RDM1: variants seen among roughly 807,000 people sequenced by gnomAD.
RDM1 encodes the protein RAD52 motif-containing protein 1.
In RDM1, 28 loss-of-function variants were observed where a neutral mutation model predicts 27.7. The ratio of observed to expected loss-of-function variants is 1.01; its 90% CI spans 0.75 to 1.39. The LOEUF (loss-of-function observed/expected upper bound fraction) is 1.39. Among genes scored for constraint, RDM1 ranks in the 40% most tolerant of loss-of-function variants. RDM1 has a pLI of 0.00. For missense variants in RDM1, 277 were observed against 337.3 expected, an observed-to-expected ratio of 0.82 and a Z score of 1.40; for synonymous variants, 124 against 127.5, an observed-to-expected ratio of 0.97 and a Z score of 0.19.
rs746296947 is a variant in RDM1, at chr17:35,930,089, T to A, written c.263A>T (p.Lys88Ile). ...KACDRKQLFQ[K>I]SPVKVRLGTR... is the part of the protein sequence containing the mutation. ...ATTTGGACCCACCTTGACTGGAGAT[T>A]TCTGAAAAAGCTGCTTCCGGTCGCA... The change falls in exon 2 of 7, where the codon AAA becomes ATA. Residue 88 changes from lysine to isoleucine, a missense_variant. By Grantham distance (102) the Lys-to-Ile change is moderately radical (BLOSUM62 -3). Coordinates refer to ENST00000620284, the MANE Select transcript of RDM1 (RefSeq NM_145654.4). 1 of 1,613,374 alleles carries A rather than the reference T, an allele frequency of 6.2e-7. No homozygotes were observed. Among genetic ancestry groups the A allele is most frequent in the African/African-American group, 1.3e-5 (1 of 74,858 alleles).
Position 35,922,647 on chromosome 17 carries a change from C to A in RDM1, c.597G>T (p.Lys199Asn). The change falls in exon 5 of 7, where the codon AAG (lysine) becomes AAT (asparagine). Residue 199 changes from lysine (K) to asparagine (N), a missense_variant. By Grantham distance (94) the Lys-to-Asn change is moderately conservative. Transcript: ENST00000620284. ...EGPLSFLMKR[K>N]TAQKLAIQKA... ...TCTGAATAGCAAGCTTCTGGGCTGT[C>A]TTCCTTTTCATAAGGAATGATAATG... 6.2e-7 allele frequency: 1 copy of A among 1,608,254 alleles called. No homozygotes were observed. Among genetic ancestry groups the A allele is most frequent in the South Asian group, 1.1e-5 (1 of 89,714 alleles).
At chr17:35,924,833 T>G (rs1053427319) in intron 3 of RDM1, 61 bp from the exon 4 acceptor site, 15 of 1,556,216 alleles carry the variant, frequency 9.6e-6, no homozygotes, top group Non-Finnish European at 1.1e-5. Flanking sequence ...CAAAATGTTT[T>G]GTTATTAAAA....
intron 2 of RDM1, among the ~76,000 whole-genome samples, chr17:35,925,994 C>T (rs2089133838): frequency 6.6e-6 from 1 of 152,004 alleles, no homozygotes; most frequent in African/African-American, 2.4e-5. Context: ...ATTAGCCAGG[C>T]ATGGTGGCAC....
At chr17:35,928,565 C>T (rs563887759) in intron 2 of RDM1, among the ~76,000 whole-genome samples, 1 of 151,388 alleles carries the variant, frequency 6.6e-6, no homozygotes, top group South Asian at 2.1e-4. Context: ...GAGTTCGAGA[C>T]CAGCCTGACC....
At chr17:35,925,454 A>T (rs1449080036) in intron 3 of RDM1, 61 bp downstream of exon 3, 1 of 1,587,918 alleles carries the variant, frequency 6.3e-7, no homozygotes. Context: ...TCTGTCTAAA[A>T]TCTAGGATTT....
At position 35,926,655 on chromosome 17, in the gene RDM1, C is replaced by T. The variant is rs573437725; in HGVS notation, c.277-1018G>A. 4.7e-3 allele frequency among the ~76,000 whole-genome samples: 723 copies of T among 152,264 alleles called. 4 individuals carry two copies. The highest frequency in any genetic ancestry group is 7.9e-3 in the Non-Finnish European group (539 of 68,022). ...TCCTGACCTTGTGATCTGCCCGCCT[C>T]GGCCTCCCAAAGTGCTGGGATACAG... is the stretch of plus-strand genomic sequence containing the variant. On this transcript the variant is annotated intron_variant, in intron 2 of 6. Coordinates refer to ENST00000620284, the MANE Select transcript of RDM1 (RefSeq NM_145654.4).
chr17:35,925,634 G>A lies in RDM1; in HGVS notation c.280C>T (p.Arg94Cys), dbSNP rs376550025. The stretch of plus-strand genomic sequence containing the variant: ...ACTGCCTTATGTCTGGTGCCAAGAC[G>A]AACCTAAAATCATAGGAGATAGACC... ...QLFQKSPVKV[R>C]LGTRHKAVQH... Residue 94 changes from arginine (R) to cysteine (C), a missense_variant, in exon 3 of 7, where the codon CGT (arginine) becomes TGT (cysteine). Arg to Cys is a radical substitution (Grantham distance 180). Coordinates refer to ENST00000620284, the MANE Select transcript of RDM1 (RefSeq NM_145654.4). The A allele has an allele frequency of 2.1e-5, 34 of 1,611,864 alleles. No individual in the cohort carries two copies. The highest frequency in any genetic ancestry group is 6.7e-5 in the African/African-American group (5 of 75,018).
In RDM1 at chr17:35,930,651, G is replaced by A; in HGVS notation, c.77C>T (p.Pro26Leu). The change falls in exon 1 of 7, where the codon CCC becomes CTC. Residue 26 changes from proline to leucine, a missense_variant. By Grantham distance (98) the Pro-to-Leu change is moderately conservative. Transcript: ENST00000620284. ...TLLVWELSSG[P>L]TAEALHHSLF... The stretch of plus-strand genomic sequence containing the variant: ...GCTCACATGCAAAGCCTCGGCCGTG[G>A]GTCCGGAGCTCAGCTCCCACACTAG... The A allele has an allele frequency of 1.2e-6, 2 of 1,613,468 alleles. No homozygotes were observed. Among genetic ancestry groups the A allele is most frequent in the Non-Finnish European group, 1.7e-6 (2 of 1,179,882 alleles).
At chr17:35,924,575 AC>A (rs755669207) in intron 4 of RDM1, 28 bp downstream of exon 4, 2 of 1,591,778 alleles carry the variant, frequency 1.3e-6, no homozygotes, top group Non-Finnish European at 1.7e-6. Flanking sequence ...CCAAATCCCT[AC>A]CCTCCTCCAC....
At chr17:35,925,152 AC>A (rs1166873712) in intron 3 of RDM1, among the ~76,000 whole-genome samples, 2 of 152,084 alleles carry the variant, frequency 1.3e-5, no homozygotes, top group East Asian at 3.8e-4. Flanking sequence ...ACAAAACAAA[AC>A]AAAAACCCAA....
At chr17:35,920,092 TA>T in intron 6 of RDM1, 94 bp downstream of exon 6, 1 of 653,692 alleles carries the variant, frequency 1.5e-6, no homozygotes, top group Non-Finnish European at 2.7e-6. Flanking sequence ...CACATTTTCC[TA>T]AGAATGAAAC....
intron 2 of RDM1, among the ~76,000 whole-genome samples, chr17:35,929,615 T>C (rs1026998791): frequency 1.3e-5 from 2 of 152,102 alleles, no homozygotes; most frequent in African/African-American, 4.8e-5. Context: ...CTAGTTTTTG[T>C]ATTTATAGTA....
rs961161778 is a variant in RDM1 at position 35,918,237 on chromosome 17, G to T, written c.*105C>A. 8.4e-6 allele frequency: 8 copies of T among 947,478 alleles called. No individual in the cohort carries two copies. Among genetic ancestry groups the T allele is most frequent in the Non-Finnish European group, 1.3e-5 (8 of 604,074 alleles). 58.7% of individuals were successfully genotyped at this position (947,478 alleles called of 1,614,324 possible). On this transcript the variant is annotated 3_prime_UTR_variant, in exon 7 of 7. Transcript: ENST00000620284. The stretch of plus-strand genomic sequence containing the variant: ...AAGATTTGGGCGGCCGACCCAGGTG[G>T]TTCCAGGACTCCAGCAGCCTATAGT...
intron 2 of RDM1, among the ~76,000 whole-genome samples, chr17:35,927,178 C>G (rs2089183626): frequency 6.7e-6 from 1 of 150,108 alleles, no homozygotes; most frequent in African/African-American, 2.5e-5. Flanking sequence ...CGGTGGCTCA[C>G]ACCTGTAATC....
At position 35,927,453 on chromosome 17, in the gene RDM1, G is replaced by A. The variant is rs551213365; in HGVS notation, c.277-1816C>T. 8.6e-5 allele frequency among the ~76,000 whole-genome samples: 13 copies of A among 151,802 alleles called. No homozygotes were observed. In the East Asian group the frequency reaches 2.3e-3, roughly 27 times the overall value. On this transcript the variant is annotated intron_variant, in intron 2 of 6. Transcript: ENST00000620284. ...AGACTCCATCTCAAAAAAACAAAAC[G>A]AAAAAACCAAACAAAAAAACAAAAA...
chr17:35,926,216 T>C (rs527849205), intron 2 of RDM1, among the ~76,000 whole-genome samples: 1 of 152,260 alleles, frequency 6.6e-6, no homozygotes, highest in East Asian at 1.9e-4. Context: ...TACGTGCTTC[T>C]TTGAGAACGC....
At chr17:35,927,195 C>T (rs2089184299) in intron 2 of RDM1, among the ~76,000 whole-genome samples, 1 of 151,260 alleles carries the variant, frequency 6.6e-6, no homozygotes, top group African/African-American at 2.4e-5. Flanking sequence ...AATCCCGGCA[C>T]TTTGGGAGGC....
chr17:35,923,340 A>C (rs1195643396), intron 4 of RDM1, among the ~76,000 whole-genome samples: 1 of 92,016 alleles, frequency 1.1e-5, no homozygotes, highest in Non-Finnish European at 2.1e-5. Context: ...ACAGAGTGAG[A>C]TTCTGTCTCA....
chr17:35,925,650 G>T lies in RDM1; in HGVS notation c.277-13C>A. On this transcript the variant is annotated splice_polypyrimidine_tract_variant and intron_variant, in intron 2 of 6. Transcript: ENST00000620284. ...TGCCAAGACGAACCTAAAATCATAGGAGATAGACCCATAAATATCACAACC... is the reference window on the plus strand; with the variant it reads ...TGCCAAGACGAACCTAAAATCATAGTAGATAGACCCATAAATATCACAACC... 1 of 1,602,732 alleles carries T rather than the reference G, an allele frequency of 6.2e-7. No individual in the cohort carries two copies. Among genetic ancestry groups the T allele is most frequent in the African/African-American group, 1.3e-5 (1 of 74,560 alleles).
Sources: gnomAD v4.1 joint callset for allele counts (sites outside exome capture counted in the v4.1 genomes callset) on GRCh38, gnomAD v4.1.1 for gene constraint, MANE v1.5 for transcripts, NCBI Gene and HGNC (gene_info 2026-07-23, HGNC 2026-07-21) for gene names.